The following U2SURP variants were observed in gnomAD, a reference collection of about 807,000 sequenced individuals.
The protein encoded by U2SURP is U2 snRNP associated SURP domain containing, also known as U2 snRNP-associated SURP motif-containing protein.
In U2SURP, 9 loss-of-function variants were observed where a neutral mutation model predicts 144.9. The observed-to-expected ratio is 0.06, with a 90% CI of 0.04 to 0.11. U2SURP has a LOEUF of 0.11. Among genes scored for constraint, U2SURP ranks in the 10% least tolerant of loss-of-function variants. U2SURP has a pLI of 1.00. For missense variants in U2SURP, 724 were observed against 1,226.7 expected (o/e 0.59, Z 6.12); for synonymous variants, 408 against 396.8 (o/e 1.03, Z -0.33).
rs1935085993 is a variant in U2SURP, at chr3:143,055,246, T to C, written c.2951+127T>C. 4.8e-6 allele frequency: 4 copies of C among 824,786 alleles called. No individual in the cohort carries two copies. In the East Asian group the frequency reaches 8.6e-5, roughly 18 times the overall value. The allele number at this position is 824,786 out of a possible 1,614,324, so 51.1% of individuals were successfully genotyped here. On this transcript the variant is annotated intron_variant, in intron 27 of 27. Coordinates refer to ENST00000473835, the MANE Select transcript of U2SURP (RefSeq NM_001080415.2). ...TAAGGATTTTAGAAAACCAAAGAGA[T>C]ACACTTTCATTTTTGGTTATTCCTC...
At chr3:143,046,795 G>A (rs1373978628) in intron 24 of U2SURP, among the ~76,000 whole-genome samples, 14 of 126,124 alleles carry the variant, frequency 1.1e-4, no homozygotes, top group South Asian at 2.8e-4. Flanking sequence ...CCACAAAACC[G>A]CCATTGTCAT....
intron 24 of U2SURP, among the ~76,000 whole-genome samples, chr3:143,046,952 C>CT (rs1578166088): frequency 4.4e-5 from 1 of 22,890 alleles, no homozygotes; most frequent in Admixed American, 5.0e-4. Flanking sequence ...AGGGGGCTGA[C>CT]CTCCCCCACC....
chr3:143,013,907 G>T (rs1405331412), intron 3 of U2SURP, among the ~76,000 whole-genome samples: 1 of 151,920 alleles, frequency 6.6e-6, no homozygotes, highest in Non-Finnish European at 1.5e-5. Flanking sequence ...GTAAATTCCT[G>T]CCCCAGGACC....
At chr3:143,053,437 G>T (rs949914310) in intron 25 of U2SURP, among the ~76,000 whole-genome samples, 1 of 152,096 alleles carries the variant, frequency 6.6e-6, no homozygotes, top group Non-Finnish European at 1.5e-5. Flanking sequence ...ATATTGTTTG[G>T]CCTGTGGTAA....
At chr3:143,004,281 G>A (rs1935702208) in intron 1 of U2SURP, among the ~76,000 whole-genome samples, 2 of 151,188 alleles carry the variant, frequency 1.3e-5, no homozygotes, top group South Asian at 4.2e-4. Context: ...GTACAATATG[G>A]CAAAATTATT....
chr3:143,001,711 C>T (rs1282156017), intron 1 of U2SURP, 38 bp downstream of exon 1: 1 of 1,612,204 alleles, frequency 6.2e-7, no homozygotes, highest in Non-Finnish European at 8.5e-7. Flanking sequence ...AGCGGATCTA[C>T]CACTGTCGTT....
At chr3:143,033,848 A>G (rs1933650288) in intron 18 of U2SURP, among the ~76,000 whole-genome samples, 1 of 152,194 alleles carries the variant, frequency 6.6e-6, no homozygotes, top group South Asian at 2.1e-4. Context: ...AAGCTAAATT[A>G]CCAATTTTTT....
At chr3:143,036,199 T>G in intron 20 of U2SURP, 95 bp downstream of exon 20, 1 of 1,325,548 alleles carries the variant, frequency 7.5e-7, no homozygotes. Context: ...GAGGTACATT[T>G]CTTTGTGAAA....
intron 16 of U2SURP, among the ~76,000 whole-genome samples, chr3:143,032,134 A>C (rs1933537931): frequency 6.6e-6 from 1 of 151,208 alleles, no homozygotes; most frequent in Admixed American, 6.6e-5. Context: ...ATGCAGTGGC[A>C]CGATCTTGGC....
At chr3:143,011,867 G>C (rs1172997678) in intron 2 of U2SURP, 1 of 440,670 alleles carries the variant, frequency 2.3e-6, no homozygotes. Context: ...GAAACTAGCT[G>C]CTTTTTTCAT....
In U2SURP at chr3:143,012,078, TC is replaced by T. The variant is rs1050912228; in HGVS notation, c.91-143del. ...GTTCTTAAGAACTTTTTTGGTGAAATCAATGGTGATATTAAGGGATGTGATA... is the reference window on the plus strand; with the variant it reads ...GTTCTTAAGAACTTTTTTGGTGAAATAATGGTGATATTAAGGGATGTGATA... On this transcript the variant is annotated intron_variant, in intron 2 of 27. Transcript: ENST00000473835. 50 of 1,087,840 alleles carry T rather than the reference TC, an allele frequency of 4.6e-5. No homozygotes were observed. In the African/African-American group the frequency reaches 7.3e-4, roughly 16 times the overall value. 67.4% of individuals were successfully genotyped at this position (1,087,840 alleles called of 1,614,324 possible).
chr3:143,033,228 A>T lies in U2SURP; in HGVS notation c.1774-43A>T. 2.5e-6 allele frequency: 3 copies of T among 1,184,668 alleles called. No homozygotes were observed. The South Asian group carries it at 4.0e-5, about 16-fold the overall frequency. 73.4% of individuals were successfully genotyped at this position (1,184,668 alleles called of 1,614,324 possible). On this transcript the variant is annotated intron_variant, in intron 17 of 27. Coordinates refer to ENST00000473835, the MANE Select transcript of U2SURP (RefSeq NM_001080415.2). Reference sequence around the variant, plus strand: ...CATAATTAAATTATAGCTAAACATTAGCCTTATATTAACCTATTTTGTGTT... The same window carrying T: ...CATAATTAAATTATAGCTAAACATTTGCCTTATATTAACCTATTTTGTGTT...
intron 1 of U2SURP, among the ~76,000 whole-genome samples, chr3:143,003,625 C>T (rs776163037): frequency 6.7e-6 from 1 of 149,472 alleles, no homozygotes; most frequent in Non-Finnish European, 1.5e-5. Context: ...GAATCTAAGT[C>T]ATCAGCTGTC....
intron 1 of U2SURP, among the ~76,000 whole-genome samples, chr3:143,005,340 C>T (rs189833425): frequency 2.4e-4 from 36 of 152,214 alleles, no homozygotes; most frequent in African/African-American, 8.2e-4. Flanking sequence ...GGCTTGTGAA[C>T]CTTAGGTATT....
intron 1 of U2SURP, among the ~76,000 whole-genome samples, chr3:143,006,952 T>A (rs994016232): frequency 1.3e-5 from 2 of 152,130 alleles, no homozygotes; most frequent in Admixed American, 6.5e-5. Context: ...AATGGTAGTG[T>A]TGGAGGAATG....
intron 3 of U2SURP, among the ~76,000 whole-genome samples, chr3:143,013,022 GT>G (rs1281413290): frequency 6.6e-6 from 1 of 151,856 alleles, no homozygotes; most frequent in Non-Finnish European, 1.5e-5. Context: ...ATAAGAATCC[GT>G]TTTAAAATAT....
intron 16 of U2SURP, among the ~76,000 whole-genome samples, chr3:143,032,539 T>TA (rs1933565673): frequency 3.9e-5 from 6 of 152,230 alleles, no homozygotes; most frequent in Admixed American, 3.9e-4. Context: ...CGTATGATTT[T>TA]AAATTTACTT....
chr3:143,003,668 A>C (rs375289002), intron 1 of U2SURP, among the ~76,000 whole-genome samples: 10 of 98,468 alleles, frequency 1.0e-4, no homozygotes, highest in Middle Eastern at 6.5e-3. Context: ...CTTTTTATTT[A>C]TTTTATTTCT....
chr3:143,021,503 A>G lies in U2SURP; in HGVS notation c.800A>G (p.Asp267Gly). The change falls in exon 10 of 28, where the codon GAT becomes GGT. Residue 267 changes from aspartate (D) to glycine (G), a missense_variant. Around this residue, in one of 13 missense-constraint regions of U2SURP, gnomAD observed 115 missense variants for 258.1 expected, o/e 0.45. Transcript: ENST00000473835. ...GATGATTACGCACCTGGCTCACATG[A>G]TGTAGGAGATCCAAGCACTACTAAT... ...VLDDYAPGSH[D>G]VGDPSTTNLY... The G allele has an allele frequency of 6.2e-7, 1 of 1,613,772 alleles. No individual in the cohort carries two copies. The highest frequency in any genetic ancestry group is 8.5e-7 in the Non-Finnish European group (1 of 1,179,840).
Sources: allele counts gnomAD v4.1 joint callset (sites outside exome capture counted in the v4.1 genomes callset), GRCh38; gene constraint gnomAD v4.1.1; regional missense constraint gnomAD v4.1.1; transcripts MANE v1.5; gene names NCBI Gene and HGNC (gene_info 2026-07-23, HGNC 2026-07-21).